The following CCSER1 variants were observed in gnomAD, a reference collection of about 807,000 sequenced individuals.
The protein encoded by CCSER1 is serine-rich coiled-coil domain-containing protein 1.
In CCSER1, 41 loss-of-function variants were observed where a neutral mutation model predicts 82.0. The ratio of observed to expected loss-of-function variants is 0.50; its 90% confidence interval spans 0.39 to 0.65. CCSER1 has a LOEUF of 0.65. Among genes scored for constraint, CCSER1 ranks in the 30% least tolerant of loss-of-function variants. The probability of loss-of-function intolerance (pLI) is 0.00; values close to 1 mark genes in which losing one functional copy is unlikely to be tolerated. For synonymous variants in CCSER1, 414 were observed against 383.9 expected, an observed-to-expected ratio of 1.08 and a Z score of -0.92; for missense variants, 1,119 against 1,064.2, an observed-to-expected ratio of 1.05 and a Z score of -0.72.
At chr4:91,355,965 C>A (rs551031186) in intron 10 of CCSER1, among the ~76,000 whole-genome samples, 1 of 152,326 alleles carries the variant, frequency 6.6e-6, no homozygotes, top group South Asian at 2.1e-4. Flanking sequence ...GCAGAGCAAG[C>A]TTTGGTATCT....
At chr4:90,165,702 A>G (rs1008415353) in intron 1 of CCSER1, among the ~76,000 whole-genome samples, 3 of 152,056 alleles carry the variant, frequency 2.0e-5, no homozygotes, top group Admixed American at 2.0e-4. Context: ...CTAAGAAGGA[A>G]GCATAGGACA....
At position 90,874,193 on chromosome 4, in the gene CCSER1, C is replaced by A. The variant is rs562329989; in HGVS notation, c.2095-49177C>A. ...TATTTCCTCTCATATTTCCAGTTAT[C>A]TCTAGGCACAGCTTTAGGTAATATC... is the stretch of plus-strand genomic sequence containing the variant. On this transcript the variant is annotated intron_variant, in intron 8 of 10. Coordinates refer to ENST00000509176, the MANE Select transcript of CCSER1 (RefSeq NM_001145065.2). Among the ~76,000 whole-genome samples the A allele has an allele frequency of 8.0e-4, 122 of 152,230 alleles. 2 individuals carry two copies. In the South Asian group the frequency reaches 0.023, roughly 28 times the overall value.
chr4:90,745,717 T>C (rs1216129011), intron 7 of CCSER1, among the ~76,000 whole-genome samples: 4 of 133,350 alleles, frequency 3.0e-5, no homozygotes, highest in Admixed American at 2.5e-4. Context: ...TGAGACGGAG[T>C]CTTGCTCTGC....
chr4:90,241,427 T>C (rs1247124794), intron 1 of CCSER1, among the ~76,000 whole-genome samples: 1 of 152,220 alleles, frequency 6.6e-6, no homozygotes, highest in African/African-American at 2.4e-5. Flanking sequence ...TGGTTTATTA[T>C]GAACGACAGT....
At chr4:91,464,416 C>T (rs531865405) in intron 10 of CCSER1, among the ~76,000 whole-genome samples, 32 of 152,220 alleles carry the variant, frequency 2.1e-4, no homozygotes, top group African/African-American at 7.5e-4. Context: ...AATATAAAGA[C>T]CATCGATGCT....
Position 90,496,691 on chromosome 4 carries a change from G to A in CCSER1, c.1724+28337G>A, listed in dbSNP as rs1469852398. Among the ~76,000 whole-genome samples, 5 of 152,066 alleles carry A rather than the reference G, an allele frequency of 3.3e-5. No individual in the cohort carries two copies. The East Asian group carries it at 9.6e-4, about 29-fold the overall frequency. On this transcript the variant is annotated intron_variant, in intron 5 of 10. Transcript: ENST00000509176. ...TAAAGAAACCTTAAAGAAAATAAAAGTCATCGGCCAGGCACAGTGGCTCAC... is the reference window on the plus strand; with the variant it reads ...TAAAGAAACCTTAAAGAAAATAAAAATCATCGGCCAGGCACAGTGGCTCAC...
At chr4:91,464,009 C>A (rs1037934342) in intron 10 of CCSER1, among the ~76,000 whole-genome samples, 1 of 152,154 alleles carries the variant, frequency 6.6e-6, no homozygotes, top group Admixed American at 6.5e-5. Context: ...GAGAATGCCA[C>A]AAAGATATTC....
chr4:91,087,035 T>C (rs1288365754), intron 10 of CCSER1, among the ~76,000 whole-genome samples: 1 of 152,028 alleles, frequency 6.6e-6, no homozygotes, highest in African/African-American at 2.4e-5. Context: ...TCAGTATGAC[T>C]GGGGAAAAAA....
intron 4 of CCSER1, among the ~76,000 whole-genome samples, chr4:90,415,286 G>A (rs1001158844): frequency 2.6e-5 from 4 of 152,222 alleles, no homozygotes; most frequent in African/African-American, 9.6e-5. Context: ...TTCAGTACAA[G>A]CTGAGACATC....
At chr4:90,237,353 T>C (rs1381861838) in intron 1 of CCSER1, among the ~76,000 whole-genome samples, 1 of 152,184 alleles carries the variant, frequency 6.6e-6, no homozygotes, top group Non-Finnish European at 1.5e-5. Context: ...TAACAGTATG[T>C]GTAAGAACTT....
At chr4:90,773,345 GC>G (rs1752484306) in intron 7 of CCSER1, among the ~76,000 whole-genome samples, 1 of 152,156 alleles carries the variant, frequency 6.6e-6, no homozygotes, top group Non-Finnish European at 1.5e-5. Flanking sequence ...TTGATTGGCA[GC>G]CTTGAAAGAT....
intron 10 of CCSER1, among the ~76,000 whole-genome samples, chr4:91,492,882 A>G (rs1758622047): frequency 6.6e-6 from 1 of 152,020 alleles, no homozygotes; most frequent in Non-Finnish European, 1.5e-5. Context: ...TTTAGGGAAT[A>G]AGTGATTTTG....
Position 90,256,665 on chromosome 4 carries a change from G to T in CCSER1, c.-41-51579G>T, listed in dbSNP as rs28404560. ...AAGATTCATTATAAGATATAAGTTT[G>T]CATAGTTCACCTTGAGATTGCTATG... On this transcript the variant is annotated intron_variant, in intron 1 of 10. Coordinates refer to ENST00000509176, the MANE Select transcript of CCSER1 (RefSeq NM_001145065.2). Among the ~76,000 whole-genome samples the T allele has an allele frequency of 7.1e-3, 1,079 of 152,182 alleles. 9 individuals are homozygous for T. Among genetic ancestry groups the T allele is most frequent in the African/African-American group, 0.025 (1,043 of 41,540 alleles).
At chr4:90,652,958 C>A (rs1729040423) in intron 6 of CCSER1, among the ~76,000 whole-genome samples, 1 of 152,104 alleles carries the variant, frequency 6.6e-6, no homozygotes, top group African/African-American at 2.4e-5. Flanking sequence ...AATTTGTCTG[C>A]TGTTCCTCCT....
chr4:90,660,996 A>G (rs115711227), intron 6 of CCSER1, among the ~76,000 whole-genome samples: 2 of 152,294 alleles, frequency 1.3e-5, no homozygotes, highest in East Asian at 3.9e-4. Flanking sequence ...TTGTTGCTAT[A>G]GTTTCCTGGA....
At chr4:90,819,117 G>A (rs151211702) in intron 8 of CCSER1, among the ~76,000 whole-genome samples, 9 of 152,136 alleles carry the variant, frequency 5.9e-5, no homozygotes, top group Admixed American at 2.0e-4. Context: ...CCATCTTTTC[G>A]GTATGTGCTC....
chr4:90,387,593 A>G (rs1403142200), intron 3 of CCSER1, among the ~76,000 whole-genome samples: 2 of 152,222 alleles, frequency 1.3e-5, no homozygotes, highest in Non-Finnish European at 2.9e-5. Context: ...GTCATGCAAT[A>G]TCAGTCAACT....
At chr4:90,461,053 ATTTTTTTTTTTTTTT>A (rs397880822) in intron 4 of CCSER1, among the ~76,000 whole-genome samples, 7 of 49,718 alleles carry the variant, frequency 1.4e-4, no homozygotes, top group Non-Finnish European at 2.2e-4. Flanking sequence ...TGCCCAGGCT[ATTTTTTTTTTTTTTT>A]TTTTTTTTTT....
chr4:90,800,795 T>C (rs1479194886), intron 7 of CCSER1, among the ~76,000 whole-genome samples: 2 of 152,168 alleles, frequency 1.3e-5, no homozygotes, highest in Non-Finnish European at 2.9e-5. Context: ...CCTGGGAAAT[T>C]TGGTTCTCAT....
Sources: gnomAD v4.1 joint callset for allele counts (sites outside exome capture counted in the v4.1 genomes callset) on GRCh38, gnomAD v4.1.1 for gene constraint, MANE v1.5 for transcripts, NCBI Gene and HGNC (gene_info 2026-07-23, HGNC 2026-07-21) for gene names.